CFH: variants seen among roughly 807,000 people sequenced by gnomAD.
The protein encoded by CFH is complement factor H.
CFH carries 53 observed loss-of-function variants against 147.3 expected under a neutral mutation model. That is an observed-to-expected ratio of 0.36 (90% CI 0.29 to 0.45). The LOEUF (loss-of-function observed/expected upper bound fraction) is 0.45. Among genes scored for constraint, CFH ranks in the 20% least tolerant of loss-of-function variants. The pLI is 1.00. For synonymous variants in CFH, 536 were observed against 489.4 expected (o/e 1.10, Z -1.26); for missense variants, 1,380 against 1,498.0 (o/e 0.92, Z 1.30).
intron 9 of CFH, among the ~76,000 whole-genome samples, chr1:196,702,439 G>A (rs540601036): frequency 1.3e-5 from 2 of 150,396 alleles, no homozygotes; most frequent in Non-Finnish European, 2.9e-5. Flanking sequence ...TTTATTCTCT[G>A]TTCTCCACTT....
At chr1:196,742,301 G>T (rs1008063320) in intron 19 of CFH, among the ~76,000 whole-genome samples, 3 of 152,130 alleles carry the variant, frequency 2.0e-5, no homozygotes, top group Admixed American at 1.3e-4. Context: ...GCTTGAACCA[G>T]GGAGATGAAG....
chr1:196,727,639 A>G (rs1000058459), intron 14 of CFH, among the ~76,000 whole-genome samples: 2 of 152,144 alleles, frequency 1.3e-5, no homozygotes, highest in African/African-American at 2.4e-5. Flanking sequence ...CAAAGAAACA[A>G]AGTTGACAAA....
chr1:196,679,561 TGTCCTGGTCACA>T, intron 5 of CFH, 50 bp from the exon 6 acceptor site: 1 of 1,241,122 alleles, frequency 8.1e-7, no homozygotes, highest in Non-Finnish European at 1.2e-6. Flanking sequence ...CATATAATTA[TGTCCTGGTCACA>T]GTCCTTTAAT....
Position 196,741,894 on chromosome 1 carries a change from A to T in CFH, c.2976A>T (p.Leu992Phe), listed in dbSNP as rs1033156499. ...PSCIKTDCLS[L>F]PSFENAIPMG... is the part of the protein sequence containing the mutation. ...TTTCAGAAACAGATTGTCTCAGTTT[A>T]CCTAGCTTTGAAAATGCCATACCCA... Residue 992 changes from leucine (L) to phenylalanine (F), a missense_variant, in exon 19 of 22, where the codon TTA (leucine) becomes TTT (phenylalanine). Coordinates refer to ENST00000367429, the MANE Select transcript of CFH (RefSeq NM_000186.4). 2.5e-6 allele frequency: 4 copies of T among 1,614,170 alleles called. No homozygotes were observed. Among genetic ancestry groups the T allele is most frequent in the Non-Finnish European group, 3.4e-6 (4 of 1,180,006 alleles).
chr1:196,720,484 G>A (rs1485311730), intron 11 of CFH, among the ~76,000 whole-genome samples: 1 of 151,822 alleles, frequency 6.6e-6, no homozygotes, highest in Non-Finnish European at 1.5e-5. Flanking sequence ...AGCACTCTCT[G>A]TCCATATGTA....
intron 1 of CFH, among the ~76,000 whole-genome samples, chr1:196,658,329 C>T (rs1470856381): frequency 6.6e-6 from 1 of 151,678 alleles, no homozygotes; most frequent in Non-Finnish European, 1.5e-5. Flanking sequence ...CTCACTGCAG[C>T]CTCGACCTCC....
chr1:196,712,593 A>T (rs1668746801), intron 9 of CFH, among the ~76,000 whole-genome samples: 2 of 151,290 alleles, frequency 1.3e-5, no homozygotes, highest in East Asian at 1.9e-4. Context: ...AAACGACAGT[A>T]ATTTCTTTTT....
intron 1 of CFH, among the ~76,000 whole-genome samples, chr1:196,669,319 CTG>C: frequency 6.6e-6 from 1 of 152,322 alleles, no homozygotes; most frequent in African/African-American, 2.4e-5. Context: ...CTGGAGAAAT[CTG>C]TGTAAGGAAT....
At chr1:196,669,786 C>T (rs539432505) in intron 1 of CFH, among the ~76,000 whole-genome samples, 11 of 152,304 alleles carry the variant, frequency 7.2e-5, no homozygotes, top group Non-Finnish European at 1.5e-4. Flanking sequence ...CAGTGGGGCA[C>T]TACCTAATGG....
intron 9 of CFH, among the ~76,000 whole-genome samples, chr1:196,690,892 G>T (rs1036017062): frequency 6.6e-6 from 1 of 152,060 alleles, no homozygotes; most frequent in Non-Finnish European, 1.5e-5. Context: ...TACTGTACAC[G>T]TGGCTGGCAA....
At chr1:196,739,490 A>T (rs867230465) in intron 17 of CFH, among the ~76,000 whole-genome samples, 5 of 152,194 alleles carry the variant, frequency 3.3e-5, no homozygotes, top group African/African-American at 1.2e-4. Context: ...ATATGCCACC[A>T]GTCTCTTTGC....
chr1:196,654,341 C>T (rs1186996710), intron 1 of CFH, among the ~76,000 whole-genome samples: 1 of 151,890 alleles, frequency 6.6e-6, no homozygotes, highest in Non-Finnish European at 1.5e-5. Flanking sequence ...TATTTGTTTT[C>T]TTTTTTTAAT....
chr1:196,694,311 C>T (rs1002675558), intron 9 of CFH, among the ~76,000 whole-genome samples: 4 of 152,120 alleles, frequency 2.6e-5, no homozygotes, highest in Non-Finnish European at 5.9e-5. Context: ...CAGCTTCGTC[C>T]ATGTCCCTGC....
chr1:196,654,111 C>T (rs1483928392), intron 1 of CFH, among the ~76,000 whole-genome samples: 1 of 152,054 alleles, frequency 6.6e-6, no homozygotes, highest in East Asian at 1.9e-4. Context: ...AAAATACTCA[C>T]ATATATTTCA....
chr1:196,676,381 T>A (rs1470380321), intron 4 of CFH, among the ~76,000 whole-genome samples: 2 of 151,974 alleles, frequency 1.3e-5, no homozygotes, highest in Non-Finnish European at 2.9e-5. Context: ...AAGACCAGAA[T>A]TTTGCCTTTA....
chr1:196,745,715 C>G, intron 20 of CFH, 102 bp from the exon 21 acceptor site: 1 of 1,509,452 alleles, frequency 6.6e-7, no homozygotes, highest in South Asian at 1.1e-5. Context: ...AATCACAAAA[C>G]TGTTGATATT....
At chr1:196,732,678 C>G (rs541865886) in intron 15 of CFH, among the ~76,000 whole-genome samples, 1 of 152,130 alleles carries the variant, frequency 6.6e-6, no homozygotes, top group East Asian at 1.9e-4. Context: ...TTTGTGCGGA[C>G]TGCTGTCTCT....
chr1:196,683,577 G>T (rs1667727352), intron 6 of CFH, among the ~76,000 whole-genome samples: 1 of 151,716 alleles, frequency 6.6e-6, no homozygotes, highest in Non-Finnish European at 1.5e-5. Flanking sequence ...AATTGGAAAA[G>T]CTTCCATATC....
chr1:196,685,314 A>G, intron 7 of CFH, 77 bp downstream of exon 7: 1 of 1,397,066 alleles, frequency 7.2e-7, no homozygotes, highest in Admixed American at 1.7e-5. Flanking sequence ...GGGACTCAAT[A>G]AAACCAAATA....
Sources: gnomAD v4.1 joint callset for allele counts (sites outside exome capture counted in the v4.1 genomes callset) on GRCh38, gnomAD v4.1.1 for gene constraint, MANE v1.5 for transcripts, NCBI Gene and HGNC (gene_info 2026-07-23, HGNC 2026-07-21) for gene names.